Variants in TBK1 observed in about 807,000 individuals in gnomAD.
TBK1 encodes the protein TANK binding kinase 1.
TBK1 carries 37 observed loss-of-function variants against 99.9 expected under a neutral mutation model. The ratio of observed to expected loss-of-function variants is 0.37; its 90% CI spans 0.28 to 0.49. The LOEUF is 0.49. Ranked by LOEUF, TBK1 falls within the 20% of genes least tolerant of loss-of-function variation. The probability of loss-of-function intolerance (pLI) is 0.98; values close to 1 mark genes in which losing one functional copy is unlikely to be tolerated. For synonymous variants in TBK1, 258 were observed against 279.8 expected (o/e 0.92, Z 0.78); for missense variants, 644 against 872.5 (o/e 0.74, Z 3.30).
At chr12:64,500,082 T>C (rs2040973171) in intron 20 of TBK1, among the ~76,000 whole-genome samples, 1 of 152,228 alleles carries the variant, frequency 6.6e-6, no homozygotes, top group Non-Finnish European at 1.5e-5. Flanking sequence ...AGTAAGTCAG[T>C]TCCTCCTGTG....
At chr12:64,458,131 G>A (rs1290519731) in intron 2 of TBK1, among the ~76,000 whole-genome samples, 6 of 147,478 alleles carry the variant, frequency 4.1e-5, no homozygotes, top group East Asian at 2.0e-4. Context: ...ATACACACAC[G>A]AAAAAGATTG....
chr12:64,477,411 G>T (rs923758342), intron 6 of TBK1, among the ~76,000 whole-genome samples: 1 of 152,130 alleles, frequency 6.6e-6, no homozygotes, highest in Non-Finnish European at 1.5e-5. Context: ...TTTTGTGTCT[G>T]TGTGTGGCTA....
At chr12:64,489,633 A>G (rs2040849839) in intron 12 of TBK1, among the ~76,000 whole-genome samples, 1 of 151,386 alleles carries the variant, frequency 6.6e-6, no homozygotes, top group Non-Finnish European at 1.5e-5. Context: ...CAGTGATGCA[A>G]TCACTGCTCA....
chr12:64,475,904 G>C (rs1565817470), intron 6 of TBK1, among the ~76,000 whole-genome samples: 1 of 152,132 alleles, frequency 6.6e-6, no homozygotes, highest in Non-Finnish European at 1.5e-5. Context: ...TGGGTCAAAT[G>C]ATAGTTCTAT....
At chr12:64,478,929 C>A (rs915270599) in intron 6 of TBK1, among the ~76,000 whole-genome samples, 1 of 152,168 alleles carries the variant, frequency 6.6e-6, no homozygotes, top group African/African-American at 2.4e-5. Context: ...ATAAAGGAAA[C>A]ATGTGACTCA....
intron 1 of TBK1, chr12:64,452,454 C>CCCGCT (rs1449477334): frequency 6.6e-6 from 1 of 152,280 alleles, no homozygotes; most frequent in East Asian, 1.9e-4. Context: ...TACCTGCATC[C>CCCGCT]CCGCTCCGCG....
intron 13 of TBK1, among the ~76,000 whole-genome samples, chr12:64,490,508 C>CCTCTCTCGCTGCCTCTCT (rs1311490166): frequency 6.6e-6 from 1 of 150,972 alleles, no homozygotes; most frequent in East Asian, 2.0e-4. Context: ...GTAATTTAAA[C>CCTCTCTCGCTGCCTCTCT]CTCTCTCGCT....
intron 4 of TBK1, among the ~76,000 whole-genome samples, chr12:64,465,467 C>G (rs2040593823): frequency 6.6e-6 from 1 of 150,576 alleles, no homozygotes; most frequent in South Asian, 2.1e-4. Context: ...AAAACTTGTA[C>G]TCCAGTGTAC....
rs773161577 is a variant in TBK1 at position 64,485,996 on chromosome 12, G to A, written c.1319G>A (p.Arg440Gln). 6.3e-6 allele frequency: 10 copies of A among 1,589,488 alleles called. No homozygotes were observed. Among genetic ancestry groups the A allele is most frequent in the African/African-American group, 1.4e-5 (1 of 73,300 alleles). Residue 440 changes from arginine (R) to glutamine (Q), a missense_variant, in exon 11 of 21, where the codon CGA becomes CAA. Transcript: ENST00000331710. ...TTACTGCTTTATCAGGAATTAATGC[G>A]AAAGGGGATACGATGGCTGATGTAA... ...STLLLYQELM[R>Q]KGIRWLIELI...
chr12:64,495,579 G>GA lies in TBK1; in HGVS notation c.1620dup (p.Gly541ArgfsTer34), dbSNP rs1279238069. ...ACTGGCAGACGCATGGGCACATCAAGAAGGCACTCATCCGAAAGACAGAAA... is the reference window on the plus strand; with the variant it reads ...ACTGGCAGACGCATGGGCACATCAAGAAAGGCACTCATCCGAAAGACAGAAA... On this transcript the variant is annotated frameshift_variant, in exon 14 of 21. Transcript: ENST00000331710. LOFTEE classifies it high-confidence loss of function. 6.2e-7 allele frequency: 1 copy of GA among 1,613,958 alleles called. No homozygotes were observed.
chr12:64,474,422 G>A (rs1257740850), intron 6 of TBK1, 32 bp downstream of exon 6: 9 of 1,576,742 alleles, frequency 5.7e-6, no homozygotes, highest in Admixed American at 1.8e-5. Context: ...AATCAGAGAA[G>A]CATTTAAAAA....
At chr12:64,485,320 GT>G in intron 9 of TBK1, 134 bp from the exon 10 acceptor site, 1 of 468,516 alleles carries the variant, frequency 2.1e-6, no homozygotes. Context: ...TTGAAGTGGT[GT>G]TTTTTTAATC....
At chr12:64,464,534 C>G in intron 4 of TBK1, 71 bp downstream of exon 4, 1 of 1,249,146 alleles carries the variant, frequency 8.0e-7, no homozygotes. Flanking sequence ...AAAATATCTT[C>G]CATTCAAAAC....
rs117248343 is a variant in TBK1, at chr12:64,455,361, A to G, written c.-31-479A>G. On this transcript the variant is annotated intron_variant, in intron 1 of 20. Transcript: ENST00000331710. ...AGTGTATACTAACTTACAGGGAAAA[A>G]ATGTAAACAAAATGAAGGTCATGGG... Among the ~76,000 whole-genome samples, 1,306 of 152,292 alleles carry G rather than the reference A, an allele frequency of 8.6e-3. 11 individuals are homozygous for G. The highest frequency in any genetic ancestry group is 0.015 in the Non-Finnish European group (988 of 68,028).
intron 11 of TBK1, among the ~76,000 whole-genome samples, chr12:64,487,840 T>A (rs1026825879): frequency 6.6e-6 from 1 of 152,214 alleles, no homozygotes; most frequent in African/African-American, 2.4e-5. Context: ...AGTTTGTTGA[T>A]CCCTGATGTA....
At chr12:64,479,411 G>T (rs2040745520) in intron 6 of TBK1, among the ~76,000 whole-genome samples, 1 of 152,034 alleles carries the variant, frequency 6.6e-6, no homozygotes, top group Admixed American at 6.6e-5. Context: ...AGCAGCAAAT[G>T]GTCTAAATCA....
intron 5 of TBK1, 43 bp from the exon 6 acceptor site, chr12:64,474,187 G>A (rs752922187): frequency 1.9e-6 from 3 of 1,547,372 alleles, no homozygotes; most frequent in Non-Finnish European, 2.6e-6. Context: ...ATAATGAAAT[G>A]GGTCACAGGT....
chr12:64,460,915 T>C (rs1157055799), intron 3 of TBK1, among the ~76,000 whole-genome samples: 1 of 151,704 alleles, frequency 6.6e-6, no homozygotes, highest in African/African-American at 2.4e-5. Flanking sequence ...ACCCTGTCTC[T>C]GTAAAAAATA....
intron 6 of TBK1, among the ~76,000 whole-genome samples, chr12:64,476,036 T>A (rs772313105): frequency 8.5e-5 from 13 of 152,254 alleles, no homozygotes; most frequent in South Asian, 4.1e-4. Flanking sequence ...TACTTTTTTT[T>A]ATTTTTTTAT....
Sources: gnomAD v4.1 joint callset for allele counts (sites outside exome capture counted in the v4.1 genomes callset) on GRCh38, gnomAD v4.1.1 for gene constraint, MANE v1.5 for transcripts, NCBI Gene and HGNC (gene_info 2026-07-23, HGNC 2026-07-21) for gene names.